BTD: variants seen among roughly 807,000 people sequenced by gnomAD.
BTD encodes the protein biotinidase.
In BTD, 13 loss-of-function variants were observed where a neutral mutation model predicts 17.7. The ratio of observed to expected loss-of-function variants is 0.74; its 90% confidence interval spans 0.48 to 1.17. The LOEUF (loss-of-function observed/expected upper bound fraction) is 1.17, where lower values mean the gene tolerates loss of function less well. Among genes scored for constraint, BTD ranks in the 50% most tolerant of loss-of-function variants. BTD has a pLI of 0.00. For missense variants in BTD, 674 were observed against 650.4 expected (o/e 1.04, Z -0.39); for synonymous variants, 240 against 245.2 (o/e 0.98, Z 0.20).
chr3:15,627,313 C>T (rs1299462361), intron 1 of BTD, among the ~76,000 whole-genome samples: 3 of 152,210 alleles, frequency 2.0e-5, no homozygotes, highest in Non-Finnish European at 4.4e-5. Context: ...ACCCCTGCCT[C>T]CCAGGCTCAA....
At chr3:15,601,609 A>C, upstream of BTD, 1 of 1,568,558 alleles carries the variant, frequency 6.4e-7, no homozygotes, top group South Asian at 1.1e-5. Context: ...AACAACGGGA[A>C]GGAAGAGGCG....
At chr3:15,695,143 A>T in intron 3 of BTD, 1 of 1,463,154 alleles carries the variant, frequency 6.8e-7, no homozygotes, top group Non-Finnish European at 9.5e-7. Flanking sequence ...GGTAGGAGGG[A>T]ACTGACCAAT....
intron 1 of BTD, among the ~76,000 whole-genome samples, chr3:15,623,419 G>T (rs1574995353): frequency 6.6e-6 from 1 of 152,104 alleles, no homozygotes; most frequent in African/African-American, 2.4e-5. Context: ...GATATAGTTG[G>T]ATTATTATCT....
At chr3:15,626,375 A>C (rs1226959955) in intron 1 of BTD, among the ~76,000 whole-genome samples, 3 of 152,194 alleles carry the variant, frequency 2.0e-5, no homozygotes, top group Non-Finnish European at 2.9e-5. Context: ...AATGCTGAGG[A>C]ATGTTGCACC....
At chr3:15,722,345 C>T (rs1025504286), downstream of BTD, among the ~76,000 whole-genome samples, 1 of 152,184 alleles carries the variant, frequency 6.6e-6, no homozygotes, top group Non-Finnish European at 1.5e-5. Flanking sequence ...TTCATTCATA[C>T]TGTCACACAC....
chr3:15,605,087 A>G (rs1320210357), intron 1 of BTD, among the ~76,000 whole-genome samples: 1 of 152,340 alleles, frequency 6.6e-6, no homozygotes, highest in East Asian at 1.9e-4. Context: ...CTGTCTTTAC[A>G]GTAGTGCCCC....
intron 1 of BTD, among the ~76,000 whole-genome samples, chr3:15,613,959 A>G (rs894641650): frequency 3.3e-5 from 5 of 151,546 alleles, no homozygotes; most frequent in African/African-American, 9.7e-5. Flanking sequence ...TTCTTCTTCA[A>G]ATATTTCGTG....
At chr3:15,664,355 G>A (rs1203273504) in intron 3 of BTD, among the ~76,000 whole-genome samples, 1 of 152,198 alleles carries the variant, frequency 6.6e-6, no homozygotes, top group Admixed American at 6.5e-5. Flanking sequence ...AAGAGCTCTA[G>A]CTTTGTTTTG....
rs78603137 is a variant in BTD, at chr3:15,602,421, C to T, written c.-17+527C>T. ...CGTTTCATAATTCTTAGGTTGGGTC[C>T]CTACCTACAACCAGCCCTGCACCCG... On this transcript the variant is annotated intron_variant, in intron 1 of 3. Coordinates refer to ENST00000643237, the MANE Select transcript of BTD (RefSeq NM_001370658.1). 4.6e-4 allele frequency: 316 copies of T among 692,018 alleles called. 1 individual carries two copies. The African/African-American group carries it at 5.6e-3, about 12-fold the overall frequency. 42.9% of individuals were successfully genotyped at this position (692,018 alleles called of 1,614,324 possible).
intron 3 of BTD, among the ~76,000 whole-genome samples, chr3:15,671,362 C>A (rs971156672): frequency 2.0e-5 from 3 of 152,032 alleles, no homozygotes; most frequent in African/African-American, 7.2e-5. Context: ...TGCCAAGCTT[C>A]AATTATACCA....
At chr3:15,622,046 A>AT (rs944921124) in intron 1 of BTD, among the ~76,000 whole-genome samples, 33 of 149,900 alleles carry the variant, frequency 2.2e-4, no homozygotes, top group Non-Finnish European at 1.0e-4. Flanking sequence ...TGTCTTCTCT[A>AT]TTTTTTTTTC....
chr3:15,666,505 G>T (rs2065995555), intron 3 of BTD, among the ~76,000 whole-genome samples: 1 of 152,176 alleles, frequency 6.6e-6, no homozygotes, highest in South Asian at 2.1e-4. Flanking sequence ...TTACAACCTT[G>T]CCTGGTACAT....
chr3:15,663,696 CCTTT>C (rs2065948734), intron 3 of BTD, among the ~76,000 whole-genome samples: 1 of 151,980 alleles, frequency 6.6e-6, no homozygotes, highest in South Asian at 2.1e-4. Context: ...TTAGTTGTGT[CCTTT>C]TTTTTCCCCC....
intron 3 of BTD, chr3:15,684,861 T>C (rs1021125294): frequency 1.0e-5 from 2 of 193,988 alleles, no homozygotes; most frequent in African/African-American, 2.4e-5. Context: ...TGGTGGCTCA[T>C]GCCTGTAATC....
chr3:15,608,291 C>CAAA (rs2064514850), intron 1 of BTD, among the ~76,000 whole-genome samples: 1 of 152,172 alleles, frequency 6.6e-6, no homozygotes. Flanking sequence ...GCTTTGTGTT[C>CAAA]ATCCATTATG....
At chr3:15,616,249 A>G (rs1233661458) in intron 1 of BTD, among the ~76,000 whole-genome samples, 4 of 152,316 alleles carry the variant, frequency 2.6e-5, no homozygotes, top group South Asian at 4.1e-4. Context: ...TGGTTGGATC[A>G]TTTTGTGTTC....
intron 3 of BTD, chr3:15,708,186 C>T: frequency 1.8e-6 from 2 of 1,107,560 alleles, no homozygotes; most frequent in South Asian, 1.6e-5. Flanking sequence ...ACTTAGACTA[C>T]CATATACTAA....
At chr3:15,636,190 T>A (rs1206346612) in intron 2 of BTD, among the ~76,000 whole-genome samples, 1 of 152,186 alleles carries the variant, frequency 6.6e-6, no homozygotes, top group Non-Finnish European at 1.5e-5. Flanking sequence ...CTGGGCGTGA[T>A]GACCTCTCTG....
Position 15,645,568 on chromosome 3 carries a change from C to T in BTD, c.*80C>T. 3 of 1,534,382 alleles carry T rather than the reference C, an allele frequency of 2.0e-6. No homozygotes were observed. The highest frequency in any genetic ancestry group is 4.5e-5 in the East Asian group (2 of 44,490). ...CTTCCACAGGCTACAAGCCCTGGGA[C>T]CATCTTTCTGCCTTAAGGGCAGGAG... On this transcript the variant is annotated 3_prime_UTR_variant, in exon 4 of 4. Coordinates refer to ENST00000643237, the MANE Select transcript of BTD (RefSeq NM_001370658.1).
Sources: allele counts gnomAD v4.1 joint callset (sites outside exome capture counted in the v4.1 genomes callset), GRCh38; gene constraint gnomAD v4.1.1; transcripts MANE v1.5; gene names NCBI Gene and HGNC (gene_info 2026-07-23, HGNC 2026-07-21).